Variants in PIAS1 observed in about 807,000 individuals in gnomAD.
PIAS1 encodes the protein protein inhibitor of activated STAT 1.
A neutral mutation model predicts 71.3 loss-of-function variants in PIAS1; 6 were observed. The ratio of observed to expected loss-of-function variants is 0.08; its 90% CI spans 0.05 to 0.17. PIAS1 has a LOEUF of 0.17. Ranked by LOEUF, PIAS1 falls within the 10% of genes least tolerant of loss-of-function variation. The pLI, the probability that PIAS1 is intolerant of heterozygous loss-of-function variation, is 1.00. For synonymous variants in PIAS1, 303 were observed against 292.9 expected (o/e 1.03, Z -0.35); for missense variants, 555 against 793.6 (o/e 0.70, Z 3.61).
Position 68,176,503 on chromosome 15 carries a change from G to T in PIAS1, c.1330G>T (p.Val444Leu). 2 of 1,609,222 alleles carry T rather than the reference G, an allele frequency of 1.2e-6. No individual in the cohort carries two copies. Among genetic ancestry groups the T allele is most frequent in the Non-Finnish European group, 1.7e-6 (2 of 1,178,086 alleles). The change falls in exon 11 of 14, where the codon GTA (valine) becomes TTA (leucine). Residue 444 changes from valine (V) to leucine (L), a missense_variant. By Grantham distance (32) the Val-to-Leu change is conservative (BLOSUM62 1). Coordinates refer to ENST00000249636, the MANE Select transcript of PIAS1 (RefSeq NM_016166.3). ...CTTGAGCTCCACATTGGAGCATCAG[G>T]TAGCGTCTCACCACCAGTCCTCAAA... is the stretch of plus-strand genomic sequence containing the variant. ...GCLSSTLEHQ[V>L]ASHHQSSNKN...
At chr15:68,177,265 C>T (rs1279567567) in intron 11 of PIAS1, among the ~76,000 whole-genome samples, 36 of 95,074 alleles carry the variant, frequency 3.8e-4, no homozygotes, top group Admixed American at 2.3e-3. Context: ...GGCAACAGAG[C>T]GAGACTTTGT....
chr15:68,079,353 C>T (rs995073783), intron 1 of PIAS1, among the ~76,000 whole-genome samples: 1 of 152,130 alleles, frequency 6.6e-6, no homozygotes, highest in Non-Finnish European at 1.5e-5. Context: ...GTGTGCAGAG[C>T]AGCCTTTTTC....
intron 7 of PIAS1, among the ~76,000 whole-genome samples, chr15:68,161,480 A>C (rs2092923796): frequency 6.6e-6 from 1 of 151,476 alleles, no homozygotes; most frequent in South Asian, 2.1e-4. Flanking sequence ...GCAAAAGAGA[A>C]GGCATAGGTT....
chr15:68,054,567 G>A lies in PIAS1; in HGVS notation c.24+217G>A, dbSNP rs1483122444. Reference sequence around the variant, plus strand: ...TCGGGGGCGCTGACGGGTCGTCCCCGGCGTGTTATTGTTGTGGGCGCCTCT... The same window carrying A: ...TCGGGGGCGCTGACGGGTCGTCCCCAGCGTGTTATTGTTGTGGGCGCCTCT... On this transcript the variant is annotated intron_variant, in intron 1 of 13. Coordinates refer to ENST00000249636, the MANE Select transcript of PIAS1 (RefSeq NM_016166.3). The surrounding 1 kb of genome is among the most constrained non-coding windows in gnomAD (Gnocchi z 4.6). 8 of 491,386 alleles carry A rather than the reference G, an allele frequency of 1.6e-5. No homozygotes were observed. The highest frequency in any genetic ancestry group is 1.4e-4 in the East Asian group (4 of 28,196). The allele number at this position is 491,386 out of a possible 1,614,324, so 30.4% of individuals were successfully genotyped here.
rs1357843946 is a variant in PIAS1 at position 68,171,385 on chromosome 15, T to C, written c.1009-2347T>C. Among the ~76,000 whole-genome samples the C allele has an allele frequency of 6.6e-6, 1 of 152,034 alleles. No homozygotes were observed. The highest frequency in any genetic ancestry group is 6.6e-5 in the Admixed American group (1 of 15,240). On this transcript the variant is annotated intron_variant, in intron 8 of 13. Coordinates refer to ENST00000249636, the MANE Select transcript of PIAS1 (RefSeq NM_016166.3). This position sits in a 1 kb window ranked among gnomAD's most constrained non-coding sequence, Gnocchi z 4.4. ...AAGGGAGTACACTCCAAAATAATGA[T>C]AAAAAGTATAGTAAATACAGAAACC... is the stretch of plus-strand genomic sequence containing the variant.
At chr15:68,101,418 A>G (rs534694615) in intron 2 of PIAS1, among the ~76,000 whole-genome samples, 1 of 145,616 alleles carries the variant, frequency 6.9e-6, no homozygotes, top group South Asian at 2.2e-4. Context: ...TGGTTTGCAG[A>G]TCTTTTCTCC....
chr15:68,159,172 G>A lies in PIAS1; in HGVS notation c.934+5477G>A, dbSNP rs530544219. The stretch of plus-strand genomic sequence containing the variant: ...AACAATGTGAAAACTTTAACTCCCA[G>A]AGAACTTCCCACATGTTGACTGATT... On this transcript the variant is annotated intron_variant, in intron 7 of 13. Coordinates refer to ENST00000249636, the MANE Select transcript of PIAS1 (RefSeq NM_016166.3). Among the ~76,000 whole-genome samples, 3 of 152,240 alleles carry A rather than the reference G, an allele frequency of 2.0e-5. No individual in the cohort carries two copies. The East Asian group carries it at 5.8e-4, about 29-fold the overall frequency.
Position 68,135,484 on chromosome 15 carries a change from C to CG in PIAS1, c.470-6454dup, listed in dbSNP as rs373062641. The stretch of plus-strand genomic sequence containing the variant: ...CCACCCCCCGGACGGGGCGGCTGGC[C>CG]GGGGGGGGCTAACCCCCCCCACCTC... On this transcript the variant is annotated intron_variant, in intron 2 of 13. Coordinates refer to ENST00000249636, the MANE Select transcript of PIAS1 (RefSeq NM_016166.3). Among the ~76,000 whole-genome samples, 32 of 19,724 alleles carry CG rather than the reference C, an allele frequency of 1.6e-3. 4 individuals carry two copies. Among genetic ancestry groups the CG allele is most frequent in the African/African-American group, 3.3e-3 (30 of 9,086 alleles). 12.9% of individuals were successfully genotyped at this position (19,724 alleles called of 152,430 possible).
intron 12 of PIAS1, among the ~76,000 whole-genome samples, chr15:68,182,490 CGTGT>C (rs67774530): frequency 1.6e-4 from 20 of 123,354 alleles, no homozygotes; most frequent in African/African-American, 3.5e-4. Context: ...GCTCAGGCTG[CGTGT>C]GTGTGTGTGT....
At chr15:68,058,668 AGTTT>A (rs1306274173) in intron 1 of PIAS1, among the ~76,000 whole-genome samples, 8 of 152,148 alleles carry the variant, frequency 5.3e-5, no homozygotes, top group African/African-American at 1.9e-4. Context: ...AAAAGTTTGG[AGTTT>A]GTTAGTTGGA....
intron 2 of PIAS1, among the ~76,000 whole-genome samples, chr15:68,093,242 T>C (rs986040648): frequency 6.6e-6 from 1 of 152,228 alleles, no homozygotes; most frequent in Non-Finnish European, 1.5e-5. Flanking sequence ...AGCAACTTTC[T>C]TTTTAGACTT....
intron 1 of PIAS1, among the ~76,000 whole-genome samples, chr15:68,067,170 G>A (rs138549469): frequency 2.7e-4 from 41 of 152,322 alleles, no homozygotes; most frequent in African/African-American, 9.6e-4. Context: ...GGCCTCTTGT[G>A]TTACGAGAGG....
At chr15:68,072,129 TG>T (rs986727590) in intron 1 of PIAS1, among the ~76,000 whole-genome samples, 1 of 151,438 alleles carries the variant, frequency 6.6e-6, no homozygotes, top group Non-Finnish European at 1.5e-5. Flanking sequence ...CCGGGCGCAG[TG>T]GTTCATGCCT....
rs1017465205 is a variant in PIAS1, at chr15:68,189,416, C to T, written c.*1581C>T. 1 of 152,120 alleles carries T rather than the reference C, an allele frequency of 6.6e-6. No homozygotes were observed. The highest frequency in any genetic ancestry group is 2.4e-5 in the African/African-American group (1 of 41,424). 9.4% of individuals were successfully genotyped at this position (152,120 alleles called of 1,614,324 possible). On this transcript the variant is annotated 3_prime_UTR_variant, in exon 14 of 14. Transcript: ENST00000249636. Reference sequence around the variant, plus strand: ...TAATGTTCTCAGAGTTGATGAGGACCACCTTTGTGTATACACTTGTAGTTT... The same window carrying T: ...TAATGTTCTCAGAGTTGATGAGGACTACCTTTGTGTATACACTTGTAGTTT...
rs564660485 is a variant in PIAS1, at chr15:68,114,928, G to T, written c.470-27018G>T. Among the ~76,000 whole-genome samples, 22 of 151,988 alleles carry T rather than the reference G, an allele frequency of 1.4e-4. No homozygotes were observed. In the East Asian group the frequency reaches 2.5e-3, roughly 17 times the overall value. ...ATTGTGGGCAGTTCTCTTCTTTCTT[G>T]GAGATGAAACTTTGATAATTAATAC... On this transcript the variant is annotated intron_variant, in intron 2 of 13. Coordinates refer to ENST00000249636, the MANE Select transcript of PIAS1 (RefSeq NM_016166.3).
rs903752687 is a variant in PIAS1 at position 68,086,927 on chromosome 15, G to A, written c.469+177G>A. Reference sequence around the variant, plus strand: ...TCAAATATATAAAAGCTGTCTTTCAGGAAAAAAGGTAGTATAGTGATGGTT... The same window carrying A: ...TCAAATATATAAAAGCTGTCTTTCAAGAAAAAAGGTAGTATAGTGATGGTT... On this transcript the variant is annotated intron_variant, in intron 2 of 13. Transcript: ENST00000249636. This position sits in a 1 kb window ranked among gnomAD's most constrained non-coding sequence, Gnocchi z 7.2. 6.6e-6 allele frequency among the ~76,000 whole-genome samples: 1 copy of A among 151,696 alleles called. No individual in the cohort carries two copies. Among genetic ancestry groups the A allele is most frequent in the Non-Finnish European group, 1.5e-5 (1 of 67,894 alleles).
At chr15:68,094,378 A>G (rs1416343267) in intron 2 of PIAS1, among the ~76,000 whole-genome samples, 2 of 151,730 alleles carry the variant, frequency 1.3e-5, no homozygotes, top group Admixed American at 1.3e-4. Context: ...TATTTGAAAT[A>G]TATATATATT....
At position 68,182,756 on chromosome 15, in the gene PIAS1, TA is replaced by T. The variant is rs2093063138; in HGVS notation, c.1625-873del. Among the ~76,000 whole-genome samples the T allele has an allele frequency of 2.0e-5, 3 of 152,300 alleles. No individual in the cohort carries two copies. In the South Asian group the frequency reaches 6.2e-4, roughly 32 times the overall value. ...CTCTTAACGGTTAGATATCTTTCTA[TA>T]CCTTTTTTTCTACATGTATGAAACG... On this transcript the variant is annotated intron_variant, in intron 12 of 13. Transcript: ENST00000249636.
intron 1 of PIAS1, among the ~76,000 whole-genome samples, chr15:68,076,736 G>A (rs1337713883): frequency 1.3e-5 from 2 of 151,982 alleles, no homozygotes; most frequent in African/African-American, 4.8e-5. Flanking sequence ...TATATGACAC[G>A]GAACTGGAAA....
Sources: gnomAD v4.1 joint callset for allele counts (sites outside exome capture counted in the v4.1 genomes callset) on GRCh38, gnomAD v4.1.1 for gene constraint, Gnocchi (gnomAD v3.1) non-coding constraint, MANE v1.5 for transcripts, NCBI Gene and HGNC (gene_info 2026-07-23, HGNC 2026-07-21) for gene names.